The following DNAJC11 variants were observed in gnomAD, a reference collection of about 807,000 sequenced individuals.
DNAJC11 encodes the protein dnaJ homolog subfamily C member 11.
DNAJC11 carries 15 observed loss-of-function variants against 78.6 expected under a neutral mutation model. That is an observed-to-expected ratio of 0.19 (90% CI 0.13 to 0.29). The LOEUF is 0.29. Ranked by LOEUF, DNAJC11 falls within the 10% of genes least tolerant of loss-of-function variation. DNAJC11 has a pLI of 1.00. For missense variants in DNAJC11, 547 were observed against 709.6 expected, an observed-to-expected ratio of 0.77 and a Z score of 2.60; for synonymous variants, 292 against 272.1, an observed-to-expected ratio of 1.07 and a Z score of -0.72.
At chr1:6,690,303 C>G (rs1394278709) in intron 1 of DNAJC11, among the ~76,000 whole-genome samples, 1 of 152,168 alleles carries the variant, frequency 6.6e-6, no homozygotes, top group African/African-American at 2.4e-5. Context: ...TAGAAATACA[C>G]GGCATTCATT....
At chr1:6,682,398 C>A (rs1642568559) in intron 1 of DNAJC11, among the ~76,000 whole-genome samples, 1 of 152,094 alleles carries the variant, frequency 6.6e-6, no homozygotes, top group African/African-American at 2.4e-5. Context: ...ACAAGGAATT[C>A]TGAAGGACTC....
intron 10 of DNAJC11, among the ~76,000 whole-genome samples, chr1:6,644,120 C>T (rs1245648057): frequency 6.6e-6 from 1 of 151,900 alleles, no homozygotes; most frequent in Non-Finnish European, 1.5e-5. Flanking sequence ...TCCACGGCAC[C>T]TGGCTGAATT....
chr1:6,643,402 A>C (rs956803230), intron 10 of DNAJC11, among the ~76,000 whole-genome samples: 1 of 151,742 alleles, frequency 6.6e-6, no homozygotes. Context: ...CAGCCTCCCA[A>C]GTAGCAGAGA....
At chr1:6,638,031 G>T in intron 12 of DNAJC11, 1 of 425,398 alleles carries the variant, frequency 2.4e-6, no homozygotes, top group Non-Finnish European at 4.2e-6. Context: ...GCTCCCTCCT[G>T]CTCAGTAAAA....
intron 1 of DNAJC11, among the ~76,000 whole-genome samples, chr1:6,700,916 G>A (rs1192315610): frequency 6.6e-6 from 1 of 152,118 alleles, no homozygotes; most frequent in Non-Finnish European, 1.5e-5. Flanking sequence ...AAGCCTTCTC[G>A]CCCTTCACAC....
At position 6,680,896 on chromosome 1, in the gene DNAJC11, C is replaced by A. The variant is rs372741132; in HGVS notation, c.202+12G>T. ...ACCAGGATGTTTCTACAAAGTCCGG[C>A]CCTCCACTGACCTTCATAAGCCTGG... On this transcript the variant is annotated intron_variant, in intron 2 of 15. Coordinates refer to ENST00000377577, the MANE Select transcript of DNAJC11 (RefSeq NM_018198.4). This position sits in a 1 kb window ranked among gnomAD's most constrained non-coding sequence, Gnocchi z 4.0. 10 of 1,611,710 alleles carry A rather than the reference C, an allele frequency of 6.2e-6. No individual in the cohort carries two copies. The highest frequency in any genetic ancestry group is 8.5e-6 in the Non-Finnish European group (10 of 1,178,838).
chr1:6,651,053 G>T (rs774029138), intron 7 of DNAJC11: 1 of 533,780 alleles, frequency 1.9e-6, no homozygotes, highest in Non-Finnish European at 3.8e-6. Context: ...CGTTCTAGAA[G>T]GGACAGGGAT....
chr1:6,657,925 G>A (rs180763260), intron 4 of DNAJC11, among the ~76,000 whole-genome samples: 100 of 152,326 alleles, frequency 6.6e-4, no homozygotes, highest in African/African-American at 2.2e-3. Context: ...GATTACAGGC[G>A]TGAGCCCCCA....
chr1:6,642,449 G>C (rs1641892406), intron 10 of DNAJC11, among the ~76,000 whole-genome samples: 1 of 152,098 alleles, frequency 6.6e-6, no homozygotes, highest in Admixed American at 6.6e-5. Context: ...ATGATTTTGA[G>C]ATATGTATGA....
At chr1:6,652,475 G>T (rs1416225200) in intron 6 of DNAJC11, among the ~76,000 whole-genome samples, 1 of 152,120 alleles carries the variant, frequency 6.6e-6, no homozygotes, top group Non-Finnish European at 1.5e-5. Context: ...TTGTCCCCCA[G>T]ACTGGAGTGC....
Position 6,635,033 on chromosome 1 carries a change from T to C in DNAJC11, c.*642A>G. 6.1e-6 allele frequency: 2 copies of C among 327,004 alleles called. No homozygotes were observed. The highest frequency in any genetic ancestry group is 1.0e-5 in the Non-Finnish European group (2 of 194,078). 20.3% of individuals were successfully genotyped at this position (327,004 alleles called of 1,614,324 possible). A position where few individuals can be genotyped will look rare whatever the true frequency, so the allele number is the denominator to read the frequency against. On this transcript the variant is annotated 3_prime_UTR_variant, in exon 16 of 16. Transcript: ENST00000377577. ...CCTGGGATCGGGAGTTACACTACCC[T>C]GTCCCAAGCCGAGGGGGCCGGTGGA...
chr1:6,656,389 A>T (rs574632037), intron 4 of DNAJC11, among the ~76,000 whole-genome samples: 209 of 152,288 alleles, frequency 1.4e-3, no homozygotes, highest in Non-Finnish European at 2.7e-3. Flanking sequence ...ATTTGATAAA[A>T]CATTCAAAAG....
chr1:6,673,150 C>T (rs1357112556), intron 3 of DNAJC11, among the ~76,000 whole-genome samples: 3 of 126,218 alleles, frequency 2.4e-5, no homozygotes, highest in African/African-American at 5.8e-5. Flanking sequence ...GAACGGAGAT[C>T]GTGCCACTTC....
intron 3 of DNAJC11, among the ~76,000 whole-genome samples, chr1:6,673,195 C>CAAAA (rs70981399): frequency 1.5e-3 from 58 of 39,166 alleles, no homozygotes; most frequent in East Asian, 2.7e-3. Context: ...AACTCCATCT[C>CAAAA]AAAAAAAAAA....
In DNAJC11 at chr1:6,653,094, C is replaced by T. The variant is rs529752853; in HGVS notation, c.508-143G>A. ...GAAGCACACATGGATGCAGAACTGC[C>T]GCAACAGCTTCACTTTTCTTCCGCT... On this transcript the variant is annotated intron_variant, in intron 5 of 15. Transcript: ENST00000377577. This position sits in a 1 kb window ranked among gnomAD's most constrained non-coding sequence, Gnocchi z 4.5. 168 of 929,596 alleles carry T rather than the reference C, an allele frequency of 1.8e-4. No individual in the cohort carries two copies. Among genetic ancestry groups the T allele is most frequent in the Middle Eastern group, 1.4e-3 (5 of 3,588 alleles). 57.6% of individuals were successfully genotyped at this position (929,596 alleles called of 1,614,324 possible).
rs535122047 is a variant in DNAJC11, at chr1:6,664,963, T to C, written c.378+2746A>G. 2.1e-4 allele frequency among the ~76,000 whole-genome samples: 32 copies of C among 152,292 alleles called. 1 individual carries two copies. The highest frequency in any genetic ancestry group is 7.2e-4 in the African/African-American group (30 of 41,576). On this transcript the variant is annotated intron_variant, in intron 4 of 15. Transcript: ENST00000377577. Reference sequence around the variant, plus strand: ...AAACAGAGAGAAATATGCACCCGCGTTTCAGGCGGCAATATCACGCACGGG... The same window carrying C: ...AAACAGAGAGAAATATGCACCCGCGCTTCAGGCGGCAATATCACGCACGGG...
At chr1:6,674,384 A>G (rs1642427615) in intron 3 of DNAJC11, among the ~76,000 whole-genome samples, 1 of 152,042 alleles carries the variant, frequency 6.6e-6, no homozygotes, top group Admixed American at 6.6e-5. Flanking sequence ...AACATGGTGA[A>G]ACTCTGTCTC....
chr1:6,667,438 T>A (rs1025698488), intron 4 of DNAJC11, among the ~76,000 whole-genome samples: 1 of 151,990 alleles, frequency 6.6e-6, no homozygotes, highest in Non-Finnish European at 1.5e-5. Context: ...TTGGCGAAAC[T>A]CCCAGACTTC....
rs1641707990 is a variant in DNAJC11 at position 6,634,211 on chromosome 1, A to G, written c.*1464T>C. On this transcript the variant is annotated 3_prime_UTR_variant, in exon 16 of 16. Coordinates refer to ENST00000377577, the MANE Select transcript of DNAJC11 (RefSeq NM_018198.4). ...TTATTGTGGTGAGTGCCTTCTGTAC[A>G]GTCGACTGCAAATGAAACGCAGAGG... The G allele has an allele frequency of 6.1e-6, 6 of 975,926 alleles. No homozygotes were observed. Among genetic ancestry groups the G allele is most frequent in the South Asian group, 1.5e-5 (1 of 64,614 alleles). The allele number at this position is 975,926 out of a possible 1,614,324, so 60.5% of individuals were successfully genotyped here. A position where few individuals can be genotyped will look rare whatever the true frequency, so the allele number is the denominator to read the frequency against.
Sources: gnomAD v4.1 joint callset for allele counts (sites outside exome capture counted in the v4.1 genomes callset) on GRCh38, gnomAD v4.1.1 for gene constraint, Gnocchi (gnomAD v3.1) non-coding constraint, MANE v1.5 for transcripts, NCBI Gene and HGNC (gene_info 2026-07-23, HGNC 2026-07-21) for gene names.